The following SLC45A4 variants were observed in gnomAD, a reference collection of about 807,000 sequenced individuals.
The protein encoded by SLC45A4 is polyamine-transporter SLC45A4.
SLC45A4 carries 32 observed loss-of-function variants against 63.7 expected under a neutral mutation model. That is an observed-to-expected ratio of 0.50 (90% CI 0.38 to 0.67). The LOEUF is 0.67. Ranked by LOEUF, SLC45A4 falls within the 30% of genes least tolerant of loss-of-function variation. The pLI is 0.00. For missense variants in SLC45A4, 1,027 were observed against 1,157.7 expected (o/e 0.89, Z 1.64); for synonymous variants, 535 against 510.0 (o/e 1.05, Z -0.66).
At position 141,229,706 on chromosome 8, in the gene SLC45A4, G is replaced by A. The variant is rs1299705609; in HGVS notation, c.242-7941C>T. Among the ~76,000 whole-genome samples, 1 of 152,170 alleles carries A rather than the reference G, an allele frequency of 6.6e-6. No homozygotes were observed. Among genetic ancestry groups the A allele is most frequent in the Non-Finnish European group, 1.5e-5 (1 of 68,010 alleles). On this transcript the variant is annotated intron_variant, in intron 2 of 8. Transcript: ENST00000517878. The surrounding 1 kb of genome is among the most constrained non-coding windows in gnomAD (Gnocchi z 5.0). ...CCTGACAACAGACCCACTGGGTGATGAGCCTGACTTCCCTACCTGCACCTC... is the reference window on the plus strand; with the variant it reads ...CCTGACAACAGACCCACTGGGTGATAAGCCTGACTTCCCTACCTGCACCTC...
chr8:141,300,754 A>T (rs1830715669), intron 1 of SLC45A4, among the ~76,000 whole-genome samples: 1 of 152,254 alleles, frequency 6.6e-6, no homozygotes, highest in East Asian at 1.9e-4. Context: ...AACCCGAGGC[A>T]CAATTCCACT....
chr8:141,298,029 C>T (rs1268487511), intron 1 of SLC45A4, among the ~76,000 whole-genome samples: 3 of 18,766 alleles, frequency 1.6e-4, no homozygotes, highest in Non-Finnish European at 2.7e-4. Context: ...CCGGGAGGCC[C>T]ACCTGCTGTG....
intron 2 of SLC45A4, among the ~76,000 whole-genome samples, chr8:141,222,584 GCCTC>G (rs1307291972): frequency 2.0e-5 from 3 of 152,194 alleles, no homozygotes; most frequent in Non-Finnish European, 1.5e-5. Context: ...TTGACACGCT[GCCTC>G]CCTATCACAG....
chr8:141,297,521 C>T (rs2154615383), intron 1 of SLC45A4, among the ~76,000 whole-genome samples: 1 of 152,352 alleles, frequency 6.6e-6, no homozygotes, highest in East Asian at 1.9e-4. Flanking sequence ...CCAGGCTCTC[C>T]CACAGACCCA....
At chr8:141,236,824 C>T (rs1190761039) in intron 2 of SLC45A4, among the ~76,000 whole-genome samples, 1 of 152,174 alleles carries the variant, frequency 6.6e-6, no homozygotes, top group Non-Finnish European at 1.5e-5. Context: ...TGCGCCCTTC[C>T]TCAGAGAGCC....
intron 1 of SLC45A4, among the ~76,000 whole-genome samples, chr8:141,259,014 T>C (rs73366429): frequency 0.085 from 12,919 of 151,940 alleles, 1,852 homozygotes; most frequent in African/African-American, 0.29. Context: ...GAGTCACAAG[T>C]CCACAGAAGG....
chr8:141,304,486 G>C (rs1334515398), intron 1 of SLC45A4, among the ~76,000 whole-genome samples: 1 of 151,596 alleles, frequency 6.6e-6, no homozygotes, highest in Non-Finnish European at 1.5e-5. Flanking sequence ...TTGAACCTGG[G>C]AGGTGGATGC....
intron 1 of SLC45A4, among the ~76,000 whole-genome samples, chr8:141,270,793 C>T (rs1335906255): frequency 2.6e-5 from 4 of 152,122 alleles, no homozygotes; most frequent in Non-Finnish European, 5.9e-5. Flanking sequence ...GCCCTTCCCC[C>T]AGCCCAGGGG....
At chr8:141,301,469 G>A (rs983387958) in intron 1 of SLC45A4, among the ~76,000 whole-genome samples, 95 of 152,050 alleles carry the variant, frequency 6.2e-4, no homozygotes, top group African/African-American at 1.4e-3. Context: ...TAGGTCGGGT[G>A]CAGTGGCTCA....
chr8:141,299,750 A>G (rs1830683883), intron 1 of SLC45A4, among the ~76,000 whole-genome samples: 1 of 152,276 alleles, frequency 6.6e-6, no homozygotes, highest in African/African-American at 2.4e-5. Flanking sequence ...TTCTAGAACC[A>G]GCTGGACTCT....
intron 1 of SLC45A4, among the ~76,000 whole-genome samples, chr8:141,284,174 G>A (rs1371411634): frequency 6.6e-5 from 10 of 152,204 alleles, no homozygotes; most frequent in African/African-American, 2.2e-4. Flanking sequence ...TAGATCAATC[G>A]TTCATCTAGG....
intron 2 of SLC45A4, among the ~76,000 whole-genome samples, chr8:141,248,338 C>A (rs930368155): frequency 6.6e-6 from 1 of 152,204 alleles, no homozygotes. Flanking sequence ...GGGACTCAGG[C>A]AGGAGGATCA....
chr8:141,296,324 G>A (rs1187286061), intron 1 of SLC45A4, among the ~76,000 whole-genome samples: 1 of 151,674 alleles, frequency 6.6e-6, no homozygotes, highest in East Asian at 1.9e-4. Flanking sequence ...AACAGAGTGA[G>A]ACCCTGTTTC....
chr8:141,238,323 C>T (rs1311807967), intron 2 of SLC45A4, among the ~76,000 whole-genome samples: 1 of 152,082 alleles, frequency 6.6e-6, no homozygotes, highest in Non-Finnish European at 1.5e-5. Context: ...ATCAAATATA[C>T]ACAACATCGA....
chr8:141,216,991 G>C, intron 6 of SLC45A4, 99 bp downstream of exon 6: 1 of 1,237,384 alleles, frequency 8.1e-7, no homozygotes, highest in Non-Finnish European at 1.2e-6. Flanking sequence ...CAGTGCGACT[G>C]ATGGCCCCAG....
chr8:141,212,408 A>G lies in SLC45A4; in HGVS notation c.2090T>C (p.Met697Thr). 6.2e-7 allele frequency: 1 copy of G among 1,613,792 alleles called. No individual in the cohort carries two copies. The highest frequency in any genetic ancestry group is 8.5e-7 in the Non-Finnish European group (1 of 1,180,030). ...DAVGTVRVIP[M>T]VASVGSFLGF... ...CAGGAAAGAGCCCACAGAGGCCACC[A>G]TGGGGATGACGCGGACAGTCCCCAC... Residue 697 changes from methionine (M) to threonine (T), a missense_variant, in exon 8 of 9, where the codon ATG (methionine) becomes ACG (threonine). Coordinates refer to ENST00000517878, the MANE Select transcript of SLC45A4 (RefSeq NM_001286646.2).
intron 1 of SLC45A4, among the ~76,000 whole-genome samples, chr8:141,265,344 CAAGAA>C (rs1008472003): frequency 6.6e-6 from 1 of 152,142 alleles, no homozygotes; most frequent in Non-Finnish European, 1.5e-5. Context: ...TAGGGCCTCA[CAAGAA>C]ATGAAAGGAA....
At position 141,275,318 on chromosome 8, in the gene SLC45A4, C is replaced by T. The variant is rs114620984; in HGVS notation, c.-400-20689G>A. On this transcript the variant is annotated intron_variant, in intron 1 of 8. Coordinates refer to ENST00000517878, the MANE Select transcript of SLC45A4 (RefSeq NM_001286646.2). ...CCTAGGGAATTAATTGGGACAGTCC[C>T]GAAGTCAACAAAAATGACTTCTTAA... 3.5e-3 allele frequency among the ~76,000 whole-genome samples: 535 copies of T among 152,158 alleles called. 2 individuals are homozygous for T. Among genetic ancestry groups the T allele is most frequent in the African/African-American group, 9.9e-3 (409 of 41,492 alleles).
Position 141,244,378 on chromosome 8 carries a change from G to A in SLC45A4, c.241+9611C>T, listed in dbSNP as rs185050226. Among the ~76,000 whole-genome samples, 55 of 152,274 alleles carry A rather than the reference G, an allele frequency of 3.6e-4. No homozygotes were observed. The East Asian group carries it at 6.4e-3, about 18-fold the overall frequency. Reference sequence around the variant, plus strand: ...GGACAGGAGCATGTGGCCATATGAGGCATCCAAGGCAGGTCAATTTCTCCT... The same window carrying A: ...GGACAGGAGCATGTGGCCATATGAGACATCCAAGGCAGGTCAATTTCTCCT... On this transcript the variant is annotated intron_variant, in intron 2 of 8. Coordinates refer to ENST00000517878, the MANE Select transcript of SLC45A4 (RefSeq NM_001286646.2).
Sources: gnomAD v4.1 joint callset for allele counts (sites outside exome capture counted in the v4.1 genomes callset) on GRCh38, gnomAD v4.1.1 for gene constraint, Gnocchi (gnomAD v3.1) non-coding constraint, MANE v1.5 for transcripts, NCBI Gene and HGNC (gene_info 2026-07-23, HGNC 2026-07-21) for gene names.